The following LDB2 variants were observed in gnomAD, a reference collection of about 807,000 sequenced individuals.
The protein encoded by LDB2 is LIM domain-binding protein 2.
A neutral mutation model predicts 44.3 loss-of-function variants in LDB2; 12 were observed. That is an observed-to-expected ratio of 0.27 (90% CI 0.17 to 0.44). The LOEUF is 0.44. LDB2 is among the 20% of genes least tolerant of loss of function. The pLI is 1.00. For missense variants in LDB2, 344 were observed against 473.5 expected (o/e 0.73, Z 2.54); for synonymous variants, 164 against 174.8 (o/e 0.94, Z 0.49).
At chr4:16,584,872 A>G (rs747007483) in intron 5 of LDB2, among the ~76,000 whole-genome samples, 4 of 152,174 alleles carry the variant, frequency 2.6e-5, no homozygotes, top group Non-Finnish European at 5.9e-5. Context: ...TAAAAGATGT[A>G]ACTAAGAATC....
intron 2 of LDB2, among the ~76,000 whole-genome samples, chr4:16,655,526 C>T (rs1739538298): frequency 6.6e-6 from 1 of 152,216 alleles, no homozygotes; most frequent in Non-Finnish European, 1.5e-5. Flanking sequence ...GTCCGTTACA[C>T]AAATTTTAAA....
intron 7 of LDB2, 27 bp downstream of exon 7, chr4:16,508,507 TC>T (rs2152218953): frequency 6.6e-7 from 1 of 1,514,256 alleles, no homozygotes; most frequent in Non-Finnish European, 8.9e-7. Flanking sequence ...AGTTAGGATT[TC>T]GGGCCTAAGA....
chr4:16,634,937 T>A (rs533313946), intron 2 of LDB2, among the ~76,000 whole-genome samples: 18 of 152,344 alleles, frequency 1.2e-4, no homozygotes, highest in African/African-American at 4.3e-4. Context: ...GTGGCATATG[T>A]ACACCATGGA....
intron 3 of LDB2, among the ~76,000 whole-genome samples, chr4:16,592,132 C>T (rs1461634030): frequency 2.6e-5 from 4 of 151,972 alleles, no homozygotes; most frequent in African/African-American, 4.8e-5. Context: ...GGCATTCAGC[C>T]GATCACGTGC....
intron 1 of LDB2, among the ~76,000 whole-genome samples, chr4:16,878,056 G>T (rs1223883065): frequency 6.6e-6 from 1 of 152,148 alleles, no homozygotes; most frequent in Non-Finnish European, 1.5e-5. Context: ...TAAAAAGGAT[G>T]TTGAACAAAC....
intron 5 of LDB2, among the ~76,000 whole-genome samples, chr4:16,539,020 C>T (rs1295589660): frequency 1.3e-5 from 2 of 152,070 alleles, no homozygotes; most frequent in East Asian, 1.9e-4. Context: ...AGACTCAGTC[C>T]CCAATCTTAA....
intron 2 of LDB2, among the ~76,000 whole-genome samples, chr4:16,702,471 G>A (rs1006269397): frequency 5.9e-5 from 9 of 152,192 alleles, no homozygotes; most frequent in East Asian, 1.9e-4. Flanking sequence ...GCATCTCCCC[G>A]TCCCTCTCAC....
intron 2 of LDB2, among the ~76,000 whole-genome samples, chr4:16,689,501 C>A (rs1470959184): frequency 6.6e-6 from 1 of 152,160 alleles, no homozygotes; most frequent in Non-Finnish European, 1.5e-5. Flanking sequence ...AAGATAAGCT[C>A]TATGGTGGAG....
rs922979125 is a variant in LDB2, at chr4:16,501,587, A to G, written c.*1056T>C. On this transcript the variant is annotated 3_prime_UTR_variant, in exon 8 of 8. Transcript: ENST00000304523. ...TTATTGGCACACTTATCAGTAAAGCATACATAAAATACAGCTGTTTTTTAA... is the reference window on the plus strand; with the variant it reads ...TTATTGGCACACTTATCAGTAAAGCGTACATAAAATACAGCTGTTTTTTAA... The G allele has an allele frequency of 6.5e-6, 1 of 152,676 alleles. No individual in the cohort carries two copies. Among genetic ancestry groups the G allele is most frequent in the Non-Finnish European group, 1.5e-5 (1 of 68,044 alleles). The allele number at this position is 152,676 out of a possible 1,614,324, so 9.5% of individuals were successfully genotyped here.
At chr4:16,730,469 A>G (rs905448362) in intron 2 of LDB2, among the ~76,000 whole-genome samples, 3 of 152,220 alleles carry the variant, frequency 2.0e-5, no homozygotes, top group Non-Finnish European at 2.9e-5. Flanking sequence ...CTCAAAAACT[A>G]TATTGCTTAC....
chr4:16,855,417 C>A (rs1789161188), intron 1 of LDB2, among the ~76,000 whole-genome samples: 1 of 151,982 alleles, frequency 6.6e-6, no homozygotes, highest in Non-Finnish European at 1.5e-5. Flanking sequence ...GAGGGACAGA[C>A]AGAATGAGAA....
intron 2 of LDB2, among the ~76,000 whole-genome samples, chr4:16,700,829 C>T (rs4698507): frequency 0.062 from 9,397 of 152,090 alleles, 510 homozygotes; most frequent in Admixed American, 0.16. Flanking sequence ...AAGTTAAAGC[C>T]CCCTATTGAA....
chr4:16,663,622 C>T (rs1273015502), intron 2 of LDB2, among the ~76,000 whole-genome samples: 1 of 152,172 alleles, frequency 6.6e-6, no homozygotes, highest in Non-Finnish European at 1.5e-5. Context: ...AGATGGTAGC[C>T]TGTTTACGTT....
chr4:16,755,536 A>T (rs1280537155), intron 2 of LDB2, among the ~76,000 whole-genome samples: 61 of 30,864 alleles, frequency 2.0e-3, no homozygotes, highest in South Asian at 5.3e-3. Context: ...TGTGAGAGAG[A>T]GAGAGACAGA....
At chr4:16,746,882 A>G (rs1468174674) in intron 2 of LDB2, among the ~76,000 whole-genome samples, 1 of 152,212 alleles carries the variant, frequency 6.6e-6, no homozygotes, top group Non-Finnish European at 1.5e-5. Context: ...TCTTCTCCTC[A>G]GGGTTCTGAA....
chr4:16,690,910 CAGAT>C (rs1750626304), intron 2 of LDB2, among the ~76,000 whole-genome samples: 2 of 152,156 alleles, frequency 1.3e-5, no homozygotes, highest in Admixed American at 1.3e-4. Flanking sequence ...AAGCTTGAGT[CAGAT>C]AGACCGTTTC....
chr4:16,673,890 A>G (rs1745561563), intron 2 of LDB2, among the ~76,000 whole-genome samples: 1 of 152,216 alleles, frequency 6.6e-6, no homozygotes, highest in Admixed American at 6.5e-5. Context: ...TATCAAAATG[A>G]GAACATTTCT....
intron 1 of LDB2, among the ~76,000 whole-genome samples, chr4:16,801,724 AGT>A (rs2109754520): frequency 6.6e-6 from 1 of 152,366 alleles, no homozygotes; most frequent in East Asian, 1.9e-4. Context: ...CAAAAATTTC[AGT>A]GTTTTATAGT....
At chr4:16,748,528 A>T (rs1458126078) in intron 2 of LDB2, among the ~76,000 whole-genome samples, 1 of 152,234 alleles carries the variant, frequency 6.6e-6, no homozygotes, top group Non-Finnish European at 1.5e-5. Context: ...TGCTTAATAC[A>T]GTCGTAGAAG....
Sources: allele counts gnomAD v4.1 joint callset (sites outside exome capture counted in the v4.1 genomes callset), GRCh38; gene constraint gnomAD v4.1.1; transcripts MANE v1.5; gene names NCBI Gene and HGNC (gene_info 2026-07-23, HGNC 2026-07-21).